The following PTH2R variants were observed in gnomAD, a reference collection of about 807,000 sequenced individuals.
PTH2R encodes parathyroid hormone 2 receptor.
In PTH2R, 59 loss-of-function variants were observed where a neutral mutation model predicts 60.3. That is an observed-to-expected ratio of 0.98 (90% CI 0.79 to 1.22). The LOEUF is 1.22. Ranked by LOEUF, PTH2R falls within the 50% of genes most tolerant of loss-of-function variation. The pLI, the probability that PTH2R is intolerant of heterozygous loss-of-function variation, is 0.00. For synonymous variants in PTH2R, 256 were observed against 243.8 expected, an observed-to-expected ratio of 1.05 and a Z score of -0.47; for missense variants, 749 against 682.6, an observed-to-expected ratio of 1.10 and a Z score of -1.08.
chr2:208,374,205 A>G (rs1490476086), intron 1 of PTH2R, among the ~76,000 whole-genome samples: 1 of 151,864 alleles, frequency 6.6e-6, no homozygotes, highest in African/African-American at 2.4e-5. Flanking sequence ...ATATGCTGCC[A>G]TTTCCGATGG....
chr2:208,395,535 C>T (rs1192735432), intron 1 of PTH2R, among the ~76,000 whole-genome samples: 1 of 152,150 alleles, frequency 6.6e-6, no homozygotes, highest in Non-Finnish European at 1.5e-5. Context: ...TAGAAGATTG[C>T]AACGACATTT....
chr2:208,397,537 G>T (rs1362813658), intron 1 of PTH2R, among the ~76,000 whole-genome samples: 2 of 152,160 alleles, frequency 1.3e-5, no homozygotes, highest in South Asian at 4.1e-4. Context: ...TAATAGGCAA[G>T]AAAGAAGGAA....
At chr2:208,437,997 C>T in intron 4 of PTH2R, 116 bp downstream of exon 4, 1 of 1,322,768 alleles carries the variant, frequency 7.6e-7, no homozygotes, top group East Asian at 2.4e-5. Flanking sequence ...ACACAAGGAT[C>T]ATAAAAGATA....
chr2:208,380,377 C>A (rs1297317530), intron 1 of PTH2R, among the ~76,000 whole-genome samples: 1 of 151,978 alleles, frequency 6.6e-6, no homozygotes, highest in African/African-American at 2.4e-5. Flanking sequence ...TTTTTCTTCC[C>A]TTGTCTTGGG....
chr2:208,458,292 A>G (rs1702556137), intron 8 of PTH2R, among the ~76,000 whole-genome samples: 1 of 152,198 alleles, frequency 6.6e-6, no homozygotes, highest in African/African-American at 2.4e-5. Flanking sequence ...TGTAGAACTT[A>G]AACTCAAGTT....
chr2:208,371,858 A>T (rs1416673774), intron 1 of PTH2R, among the ~76,000 whole-genome samples: 1 of 146,600 alleles, frequency 6.8e-6, no homozygotes, highest in African/African-American at 2.4e-5. Context: ...AACTTTCCTT[A>T]CTTGTTTCCT....
chr2:208,448,023 T>C (rs1702324800), intron 7 of PTH2R, among the ~76,000 whole-genome samples: 1 of 152,192 alleles, frequency 6.6e-6, no homozygotes, highest in Admixed American at 6.5e-5. Flanking sequence ...GAAACACCAG[T>C]ATGTACATAT....
At chr2:208,433,250 A>G (rs1380486007) in intron 2 of PTH2R, among the ~76,000 whole-genome samples, 1 of 152,222 alleles carries the variant, frequency 6.6e-6, no homozygotes, top group Non-Finnish European at 1.5e-5. Context: ...CGAGATCGTT[A>G]TTTGCATGGA....
Position 208,396,760 on chromosome 2 carries a change from G to A in PTH2R, c.-258-31441G>A, listed in dbSNP as rs576881322. Among the ~76,000 whole-genome samples the A allele has an allele frequency of 1.5e-4, 23 of 152,252 alleles. No homozygotes were observed. In the South Asian group the frequency reaches 2.5e-3, roughly 16 times the overall value. ...GAAGACAGTGCGGTGATTCCTCAGG[G>A]ATCTAGAACTAGAAATACCATTTGA... On this transcript the variant is annotated intron_variant, in intron 1 of 12. Coordinates refer to the PTH2R transcript ENST00000617735.
intron 1 of PTH2R, among the ~76,000 whole-genome samples, chr2:208,418,010 A>G (rs953383984): frequency 6.6e-6 from 1 of 152,188 alleles, no homozygotes; most frequent in Admixed American, 6.5e-5. Context: ...AGCCATGAGA[A>G]TTTACTAGAA....
intron 10 of PTH2R, among the ~76,000 whole-genome samples, chr2:208,485,178 T>G (rs529221739): frequency 1.0e-3 from 156 of 152,288 alleles, no homozygotes; most frequent in African/African-American, 3.6e-3. Context: ...AATTGATTCT[T>G]AAAAGAAAAT....
At chr2:208,423,735 T>C (rs1559215534) in intron 1 of PTH2R, among the ~76,000 whole-genome samples, 1 of 152,166 alleles carries the variant, frequency 6.6e-6, no homozygotes, top group Non-Finnish European at 1.5e-5. Context: ...CTTCTTTCAT[T>C]CTATCAGTTT....
intron 1 of PTH2R, among the ~76,000 whole-genome samples, chr2:208,414,886 C>T (rs1701608896): frequency 6.6e-6 from 1 of 151,892 alleles, no homozygotes; most frequent in Non-Finnish European, 1.5e-5. Context: ...TGGCCCAGTT[C>T]CATAATGAGA....
chr2:208,482,956 C>T (rs374489580), intron 10 of PTH2R, among the ~76,000 whole-genome samples: 4 of 152,350 alleles, frequency 2.6e-5, no homozygotes, highest in South Asian at 4.1e-4. Context: ...AAGCACATCA[C>T]GTGCTGTTGG....
chr2:208,452,340 T>G, intron 8 of PTH2R, among the ~76,000 whole-genome samples: 1 of 152,224 alleles, frequency 6.6e-6, no homozygotes, highest in East Asian at 1.9e-4. Context: ...GTACTGATAG[T>G]AAGTGCTAAA....
intron 10 of PTH2R, among the ~76,000 whole-genome samples, chr2:208,487,114 A>C (rs983889566): frequency 6.6e-6 from 1 of 152,166 alleles, no homozygotes; most frequent in African/African-American, 2.4e-5. Context: ...TCTAGCTCCT[A>C]TTGTCAAGAG....
intron 4 of PTH2R, among the ~76,000 whole-genome samples, chr2:208,442,074 T>C (rs1280650299): frequency 6.6e-6 from 1 of 152,164 alleles, no homozygotes; most frequent in East Asian, 1.9e-4. Context: ...AAGAGGTATA[T>C]GAAGTATGTG....
At chr2:208,428,393 G>T in intron 2 of PTH2R, 90 bp downstream of exon 2, 1 of 874,364 alleles carries the variant, frequency 1.1e-6, no homozygotes, top group Non-Finnish European at 1.8e-6. Flanking sequence ...GTGTTAGGGA[G>T]ATCCTTATCA....
At chr2:208,385,910 T>C (rs1340534196) in intron 1 of PTH2R, among the ~76,000 whole-genome samples, 2 of 152,224 alleles carry the variant, frequency 1.3e-5, no homozygotes, top group Admixed American at 6.5e-5. Flanking sequence ...CCCTCCTCAA[T>C]TGAAACATAT....
Sources: allele counts gnomAD v4.1 joint callset (sites outside exome capture counted in the v4.1 genomes callset), GRCh38; gene constraint gnomAD v4.1.1; transcripts MANE v1.5; gene names NCBI Gene and HGNC (gene_info 2026-07-23, HGNC 2026-07-21).